Variants in GHR observed in about 807,000 individuals in gnomAD.
GHR encodes the protein GH receptor.
Under a neutral mutation model 67.1 loss-of-function variants are expected in GHR, and 35 were observed. That is an observed-to-expected ratio of 0.52 (90% confidence interval 0.40 to 0.69). GHR has a LOEUF of 0.69. Among genes scored for constraint, GHR ranks in the 30% least tolerant of loss-of-function variants. The probability of loss-of-function intolerance (pLI) is 0.00; values close to 1 mark genes in which losing one functional copy is unlikely to be tolerated. For missense variants in GHR, 792 were observed against 764.6 expected, an observed-to-expected ratio of 1.04 and a Z score of -0.42; for synonymous variants, 272 against 269.1, an observed-to-expected ratio of 1.01 and a Z score of -0.10.
chr5:42,688,128 A>C (rs77132481), intron 3 of GHR, among the ~76,000 whole-genome samples: 1 of 152,198 alleles, frequency 6.6e-6, no homozygotes, highest in South Asian at 2.1e-4. Context: ...GAATGCAAAC[A>C]TAAGTGCCTT....
At chr5:42,543,498 G>T (rs1204060214) in intron 1 of GHR, among the ~76,000 whole-genome samples, 4 of 152,034 alleles carry the variant, frequency 2.6e-5, no homozygotes, top group African/African-American at 7.2e-5. Flanking sequence ...CAGGCTAGTT[G>T]GGTATCAAAT....
At chr5:42,565,729 T>C (rs1749885767) in intron 1 of GHR, 135 bp from the exon 2 acceptor site, 1 of 1,561,502 alleles carries the variant, frequency 6.4e-7, no homozygotes, top group African/African-American at 1.4e-5. Flanking sequence ...TCTGGGGCAG[T>C]GAAAGACTTA....
intron 1 of GHR, among the ~76,000 whole-genome samples, chr5:42,448,396 T>C (rs1272247649): frequency 6.6e-6 from 1 of 152,082 alleles, no homozygotes; most frequent in Non-Finnish European, 1.5e-5. Flanking sequence ...ATATCTTCTT[T>C]TGAGAATTGT....
intron 1 of GHR, chr5:42,514,761 C>T (rs1406195578): frequency 1.3e-5 from 2 of 152,120 alleles, no homozygotes; most frequent in Admixed American, 6.6e-5. Context: ...AGTGGAAGGT[C>T]CCCCATTTCA....
intron 2 of GHR, among the ~76,000 whole-genome samples, chr5:42,586,369 C>T (rs186140211): frequency 1.3e-5 from 2 of 152,176 alleles, no homozygotes; most frequent in Non-Finnish European, 2.9e-5. Context: ...TGACTGTATC[C>T]AACAGTAATG....
rs371128757 is a variant in GHR at position 42,599,166 on chromosome 5, G to T, written c.71-29872G>T. Among the ~76,000 whole-genome samples the T allele has an allele frequency of 2.6e-5, 4 of 152,266 alleles. No homozygotes were observed. The East Asian group carries it at 5.8e-4, about 22-fold the overall frequency. ...GATCAATAGCTTTAGTGTAAACTTG[G>T]TCAATACCTTATTGGAAGAGGTGAC... On this transcript the variant is annotated intron_variant, in intron 2 of 9. Transcript: ENST00000230882.
intron 1 of GHR, among the ~76,000 whole-genome samples, chr5:42,521,964 A>G (rs541943165): frequency 1.3e-5 from 2 of 152,296 alleles, no homozygotes; most frequent in East Asian, 3.9e-4. Context: ...AGGAAAAGCT[A>G]AAGTGTTGGT....
Position 42,498,106 on chromosome 5 carries a change from A to G in GHR, c.-11-67758A>G, listed in dbSNP as rs983308800. 3.6e-4 allele frequency among the ~76,000 whole-genome samples: 55 copies of G among 152,198 alleles called. 1 individual carries two copies. Among genetic ancestry groups the G allele is most frequent in the Non-Finnish European group, 1.8e-4 (12 of 68,030 alleles). ...TCTTAGATTCTCTCTAGTGAAGGCCACACCTTCTCTGTGCCTCAGGCTGGC... is the reference window on the plus strand; with the variant it reads ...TCTTAGATTCTCTCTAGTGAAGGCCGCACCTTCTCTGTGCCTCAGGCTGGC... On this transcript the variant is annotated intron_variant, in intron 1 of 9. Coordinates refer to ENST00000230882, the MANE Select transcript of GHR (RefSeq NM_000163.5).
intron 5 of GHR, among the ~76,000 whole-genome samples, chr5:42,697,268 T>C (rs1288330246): frequency 3.9e-5 from 6 of 152,252 alleles, no homozygotes; most frequent in Admixed American, 2.0e-4. Flanking sequence ...ACATTTGTCA[T>C]TCATTCAATT....
intron 1 of GHR, among the ~76,000 whole-genome samples, chr5:42,469,609 A>G (rs1744906866): frequency 1.3e-5 from 2 of 152,096 alleles, no homozygotes; most frequent in South Asian, 4.2e-4. Flanking sequence ...CAGAACCTTC[A>G]TTCCCCTGAC....
Position 42,719,144 on chromosome 5 carries a change from T to A in GHR, c.1637T>A (p.Val546Glu), listed in dbSNP as rs200405800. 1.2e-6 allele frequency: 2 copies of A among 1,614,138 alleles called. No homozygotes were observed. The highest frequency in any genetic ancestry group is 2.7e-5 in the African/African-American group (2 of 75,068). Residue 546 changes from valine to glutamate, a missense_variant, in exon 10 of 10, where the codon GTG (valine) becomes GAG (glutamate). Coordinates refer to ENST00000230882, the MANE Select transcript of GHR (RefSeq NM_000163.5). ...GCAGATGCCAAAAAGTGCATCCCTG[T>A]GGCTCCTCACATCAAGGTTGAATCA... ...CEADAKKCIP[V>E]APHIKVESHI...
intron 1 of GHR, among the ~76,000 whole-genome samples, chr5:42,510,066 C>T (rs1222721002): frequency 1.3e-5 from 2 of 152,188 alleles, no homozygotes; most frequent in Non-Finnish European, 2.9e-5. Context: ...CCCTAACTGC[C>T]TCATCCGTCA....
rs201751115 is a variant in GHR, at chr5:42,474,346, TAAAG to T, written c.-12+50400_-12+50403del. ...GAAAGAAAGAAAGAAAGAAAAGAAATAAAGAAAGAAAGCAAAGTGTCTGTCTGCC... is the reference window on the plus strand; with the variant it reads ...GAAAGAAAGAAAGAAAGAAAAGAAATAAAGAAAGCAAAGTGTCTGTCTGCC... On this transcript the variant is annotated intron_variant, in intron 1 of 9. Transcript: ENST00000230882. 2.3e-3 allele frequency among the ~76,000 whole-genome samples: 75 copies of T among 32,990 alleles called. No individual in the cohort carries two copies. In the East Asian group the frequency reaches 0.078, roughly 34 times the overall value. The allele number at this position is 32,990 out of a possible 152,430, so 21.6% of individuals were successfully genotyped here.
chr5:42,539,193 A>AT (rs1409539543), intron 1 of GHR, among the ~76,000 whole-genome samples: 7 of 151,738 alleles, frequency 4.6e-5, no homozygotes, highest in African/African-American at 1.2e-4. Flanking sequence ...TAAATCAGAG[A>AT]TTTTTTTCTT....
chr5:42,525,622 G>A lies in GHR; in HGVS notation c.-11-40242G>A, dbSNP rs572475885. Among the ~76,000 whole-genome samples the A allele has an allele frequency of 6.6e-5, 10 of 152,256 alleles. 1 individual carries two copies. In the South Asian group the frequency reaches 2.1e-3, roughly 32 times the overall value. ...TTTAAAATGTGAAGACATGAGATTT[G>A]GAGGGGCCAGGGCCAGAATGATATG... On this transcript the variant is annotated intron_variant, in intron 1 of 9. Coordinates refer to ENST00000230882, the MANE Select transcript of GHR (RefSeq NM_000163.5).
intron 2 of GHR, among the ~76,000 whole-genome samples, chr5:42,585,772 G>GA (rs70991419): frequency 0.15 from 21,522 of 147,894 alleles, 1,960 homozygotes; most frequent in Non-Finnish European, 0.2. Context: ...AAGAAACTTA[G>GA]AAAAAAAAAA....
chr5:42,682,942 G>GTT (rs1235306014), intron 3 of GHR, among the ~76,000 whole-genome samples: 9 of 152,206 alleles, frequency 5.9e-5, no homozygotes, highest in African/African-American at 2.2e-4. Flanking sequence ...GGGAAAGATT[G>GTT]GTTCCCATGC....
At chr5:42,477,263 G>T (rs1301782834) in intron 1 of GHR, among the ~76,000 whole-genome samples, 4 of 151,830 alleles carry the variant, frequency 2.6e-5, no homozygotes, top group Non-Finnish European at 2.9e-5. Context: ...TGCCACATTT[G>T]CTTAATCCAG....
Position 42,700,010 on chromosome 5 carries a change from G to A in GHR, c.618+8G>A. On this transcript the variant is annotated splice_region_variant and intron_variant, in intron 6 of 9. Transcript: ENST00000230882. ...GAAACTAAATGGAAAATGGTAAGAT[G>A]TTGCTACACCTTACACTTTGACTTT... 1.3e-6 allele frequency: 2 copies of A among 1,542,826 alleles called. No homozygotes were observed. The highest frequency in any genetic ancestry group is 1.8e-6 in the Non-Finnish European group (2 of 1,115,782).
Sources: allele counts gnomAD v4.1 joint callset (sites outside exome capture counted in the v4.1 genomes callset), GRCh38; gene constraint gnomAD v4.1.1; transcripts MANE v1.5; gene names NCBI Gene and HGNC (gene_info 2026-07-23, HGNC 2026-07-21).